The following ZNF704 variants were observed in gnomAD, a reference collection of about 807,000 sequenced individuals.
ZNF704 encodes zinc finger protein 704, also known as glucocorticoid induced gene 1.
Under a neutral mutation model 44.7 loss-of-function variants are expected in ZNF704, and 10 were observed. The ratio of observed to expected loss-of-function variants is 0.22; its 90% CI spans 0.14 to 0.38. The LOEUF (loss-of-function observed/expected upper bound fraction) is 0.38, where lower values mean the gene tolerates loss of function less well. Ranked by LOEUF, ZNF704 falls within the 10% of genes least tolerant of loss-of-function variation. ZNF704 has a pLI of 1.00. For missense variants in ZNF704, 390 were observed against 545.5 expected, an observed-to-expected ratio of 0.71 and a Z score of 2.84; for synonymous variants, 211 against 207.6, an observed-to-expected ratio of 1.02 and a Z score of -0.14.
At chr8:80,800,025 A>AT (rs1418825260) in intron 2 of ZNF704, among the ~76,000 whole-genome samples, 1 of 152,230 alleles carries the variant, frequency 6.6e-6, no homozygotes, top group Admixed American at 6.5e-5. Flanking sequence ...CAATGCAATC[A>AT]TAAGTATCAA....
At chr8:80,878,812 A>G (rs762829188), upstream of ZNF704, among the ~76,000 whole-genome samples, 4 of 151,922 alleles carry the variant, frequency 2.6e-5, no homozygotes, top group Non-Finnish European at 4.4e-5. Flanking sequence ...TCCTTACAAT[A>G]CCTCTCAAAG....
rs1809329015 is a variant in ZNF704 at position 80,874,466 on chromosome 8, G to C, written c.-22+105C>G. On this transcript the variant is annotated intron_variant, in intron 1 of 8. Transcript: ENST00000327835. The surrounding 1 kb of genome is among the most constrained non-coding windows in gnomAD (Gnocchi z 4.4). ...CCGTGCCTCGGCGCGAGCTGTTTGTGTTGTATGTTTTCCACCACCGCCCCC... is the reference window on the plus strand; with the variant it reads ...CCGTGCCTCGGCGCGAGCTGTTTGTCTTGTATGTTTTCCACCACCGCCCCC... The C allele has an allele frequency of 6.6e-6, 1 of 151,488 alleles. No homozygotes were observed. The allele number at this position is 151,488 out of a possible 1,614,324, so 9.4% of individuals were successfully genotyped here.
chr8:80,794,554 AC>A (rs1199015280), intron 2 of ZNF704, among the ~76,000 whole-genome samples: 1 of 152,234 alleles, frequency 6.6e-6, no homozygotes, highest in Non-Finnish European at 1.5e-5. Context: ...ATTGAAAGAA[AC>A]CAAAAAGTTA....
At chr8:80,674,874 A>G (rs916199246) in intron 4 of ZNF704, among the ~76,000 whole-genome samples, 11 of 152,226 alleles carry the variant, frequency 7.2e-5, no homozygotes, top group Non-Finnish European at 2.9e-5. Context: ...AAGAGAACCA[A>G]TGACTCAAGC....
chr8:80,687,563 C>T, intron 3 of ZNF704, 105 bp from the exon 4 acceptor site: 1 of 813,724 alleles, frequency 1.2e-6, no homozygotes, highest in Non-Finnish European at 1.8e-6. Flanking sequence ...CCACCCCAGC[C>T]CTCTCAATCA....
In ZNF704 at chr8:80,630,840, G is replaced by A. The variant is rs1817571817; in HGVS notation, c.*10526C>T. ...GTCCAACCATTAATTACAAAAATAG[G>A]AATTTTAGGGTGTGTTGTAGGAAAA... On this transcript the variant is annotated 3_prime_UTR_variant, in exon 9 of 9. Coordinates refer to ENST00000327835, the MANE Select transcript of ZNF704 (RefSeq NM_001033723.3). 3 of 152,212 alleles carry A rather than the reference G, an allele frequency of 2.0e-5. No homozygotes were observed. The South Asian group carries it at 6.2e-4, about 32-fold the overall frequency. 9.4% of individuals were successfully genotyped at this position (152,212 alleles called of 1,614,324 possible). A position where few individuals can be genotyped will look rare whatever the true frequency, so the allele number is the denominator to read the frequency against.
chr8:80,709,441 TCAAAAAAA>T lies in ZNF704; in HGVS notation c.222-16342_222-16335del, dbSNP rs1338826601. 2.4e-4 allele frequency among the ~76,000 whole-genome samples: 8 copies of T among 33,370 alleles called. 1 individual carries two copies. Among genetic ancestry groups the T allele is most frequent in the Admixed American group, 1.6e-3 (3 of 1,922 alleles). 21.9% of individuals were successfully genotyped at this position (33,370 alleles called of 152,430 possible). ...CTTGGCAACAGTGCGAGACTCCATC[TCAAAAAAA>T]AAAAAAAAAAAAAAAAAAAAAAAAG... On this transcript the variant is annotated intron_variant, in intron 2 of 8. Transcript: ENST00000327835.
intron 2 of ZNF704, among the ~76,000 whole-genome samples, chr8:80,796,357 T>C (rs1004396617): frequency 1.3e-5 from 2 of 152,178 alleles, no homozygotes; most frequent in Non-Finnish European, 2.9e-5. Flanking sequence ...CATTAACCCA[T>C]TAATCCACTA....
intron 2 of ZNF704, among the ~76,000 whole-genome samples, chr8:80,806,128 G>C (rs141296283): frequency 1.3e-5 from 2 of 152,300 alleles, no homozygotes; most frequent in Admixed American, 6.5e-5. Flanking sequence ...AGAAAGTCGT[G>C]CATGATGAAT....
chr8:80,694,173 A>G (rs1401618058), intron 2 of ZNF704: 1 of 152,214 alleles, frequency 6.6e-6, no homozygotes, highest in Non-Finnish European at 1.5e-5. Context: ...AGCTTTAAAA[A>G]AATTTTTTAA....
At chr8:80,693,903 T>C (rs1198677786) in intron 2 of ZNF704, among the ~76,000 whole-genome samples, 1 of 152,118 alleles carries the variant, frequency 6.6e-6, no homozygotes, top group African/African-American at 2.4e-5. Context: ...AGCTGCTATA[T>C]GGAGAATGGA....
chr8:80,770,103 C>G (rs899776357), intron 2 of ZNF704, among the ~76,000 whole-genome samples: 1 of 152,132 alleles, frequency 6.6e-6, no homozygotes, highest in African/African-American at 2.4e-5. Flanking sequence ...CAGGAAAGAC[C>G]TGCCCCCATG....
intron 1 of ZNF704, among the ~76,000 whole-genome samples, chr8:80,837,023 A>G (rs1808595065): frequency 6.6e-6 from 1 of 152,000 alleles, no homozygotes; most frequent in South Asian, 2.1e-4. Flanking sequence ...GCACTCTTGT[A>G]GCATTATTAC....
chr8:80,835,589 T>C (rs1389044007), intron 1 of ZNF704, among the ~76,000 whole-genome samples: 1 of 152,160 alleles, frequency 6.6e-6, no homozygotes, highest in African/African-American at 2.4e-5. Flanking sequence ...CAAGATAGGG[T>C]GAACATAGAG....
At chr8:80,690,929 A>AACC (rs1818623182) in intron 3 of ZNF704, among the ~76,000 whole-genome samples, 1 of 152,112 alleles carries the variant, frequency 6.6e-6, no homozygotes, top group South Asian at 2.1e-4. Flanking sequence ...GAATCACTTG[A>AACC]ACCCAGGAGG....
chr8:80,853,824 G>T (rs951415941), intron 1 of ZNF704, among the ~76,000 whole-genome samples: 1 of 152,124 alleles, frequency 6.6e-6, no homozygotes, highest in Non-Finnish European at 1.5e-5. Flanking sequence ...GAGAAGCAAT[G>T]GGTGTTTTCT....
chr8:80,721,608 T>A (rs1158673292), intron 2 of ZNF704, among the ~76,000 whole-genome samples: 1 of 152,122 alleles, frequency 6.6e-6, no homozygotes, highest in Non-Finnish European at 1.5e-5. Context: ...CTGCTCAGAG[T>A]TCCTTAAAAC....
intron 1 of ZNF704, among the ~76,000 whole-genome samples, chr8:80,826,552 G>C (rs1326593659): frequency 6.6e-6 from 1 of 152,094 alleles, no homozygotes; most frequent in Non-Finnish European, 1.5e-5. Context: ...GAAAAAGAGG[G>C]AATCCTCCCT....
At chr8:80,727,555 T>C (rs993776996) in intron 2 of ZNF704, among the ~76,000 whole-genome samples, 2 of 152,114 alleles carry the variant, frequency 1.3e-5, no homozygotes, top group Non-Finnish European at 1.5e-5. Flanking sequence ...AAATAATTCA[T>C]CATGCAGTGG....
Sources: allele counts gnomAD v4.1 joint callset (sites outside exome capture counted in the v4.1 genomes callset), GRCh38; gene constraint gnomAD v4.1.1; non-coding constraint Gnocchi (gnomAD v3.1); transcripts MANE v1.5; gene names NCBI Gene and HGNC (gene_info 2026-07-23, HGNC 2026-07-21).